TP53I13: variants seen among roughly 807,000 people sequenced by gnomAD.
TP53I13 encodes the protein tumor protein p53-inducible protein 13.
TP53I13 carries 27 observed loss-of-function variants against 39.1 expected under a neutral mutation model. The observed-to-expected ratio is 0.69, with a 90% CI of 0.51 to 0.95. TP53I13 has a LOEUF of 0.95. TP53I13 is among the 40% of genes least tolerant of loss of function. The pLI is 0.00. For synonymous variants in TP53I13, 230 were observed against 224.6 expected (o/e 1.02, Z -0.22); for missense variants, 544 against 520.4 (o/e 1.05, Z -0.44).
At chr17:29,575,492 C>G, downstream of TP53I13, 1 of 1,592,650 alleles carries the variant, frequency 6.3e-7, no homozygotes, top group East Asian at 2.2e-5. This position sits in a 1 kb window ranked among gnomAD's most constrained non-coding sequence, Gnocchi z 5.5. Context: ...GTCCAGAAAA[C>G]AGAGACAAAG....
chr17:29,578,977 T>C, the TP53I13 span: 1 of 1,613,754 alleles, frequency 6.2e-7, no homozygotes. Flanking sequence ...AGACATGCAC[T>C]TTTGCCGAGA....
At chr17:29,579,396 C>T in the TP53I13 span, 1 of 247,800 alleles carries the variant, frequency 4.0e-6, no homozygotes, top group Non-Finnish European at 7.9e-6. Flanking sequence ...TACCCCTTGC[C>T]TTAAGGCACT....
At chr17:29,578,384 A>G in the TP53I13 span, 2 of 1,613,354 alleles carry the variant, frequency 1.2e-6, no homozygotes, top group Non-Finnish European at 1.7e-6. Context: ...GGAGGAAGAG[A>G]GGGGCCCAGA....
chr17:29,572,960 C>T lies in TP53I13; in HGVS notation c.*36C>T, dbSNP rs2033022905. ...CCTGCCACTGTGGCGTGCGGCTCCT[C>T]CCCGCGCCGCGAGGCCGCGACCTCT... On this transcript the variant is annotated 3_prime_UTR_variant, in exon 7 of 7. Coordinates refer to ENST00000301057, the MANE Select transcript of TP53I13 (RefSeq NM_138349.4). The T allele has an allele frequency of 3.7e-6, 5 of 1,363,846 alleles. No homozygotes were observed. Among genetic ancestry groups the T allele is most frequent in the Non-Finnish European group, 3.8e-6 (4 of 1,062,318 alleles). 84.5% of individuals were successfully genotyped at this position (1,363,846 alleles called of 1,614,324 possible). A position where few individuals can be genotyped will look rare whatever the true frequency, so the allele number is the denominator to read the frequency against.
chr17:29,572,110 A>T, intron 5 of TP53I13, 32 bp from the exon 6 acceptor site: 2 of 1,610,784 alleles, frequency 1.2e-6, no homozygotes, highest in Non-Finnish European at 1.7e-6. Context: ...TGAGAGGGGC[A>T]GCAGGGTGAT....
downstream of TP53I13, chr17:29,575,000 G>C: frequency 1.4e-6 from 2 of 1,474,276 alleles, no homozygotes; most frequent in Non-Finnish European, 1.9e-6. Flanking sequence ...CTCCACCCAG[G>C]TAGCGATCAG....
chr17:29,577,044 A>G (rs1462308422), downstream of TP53I13: 1 of 1,606,966 alleles, frequency 6.2e-7, no homozygotes, highest in South Asian at 1.1e-5. Context: ...CACACAACCC[A>G]TCTCTCAGGT....
rs1162706826 is a variant in TP53I13, at chr17:29,572,635, A to G, written c.1007A>G (p.Asn336Ser). Reference protein sequence around the residue: ...LATLCTRLHRNFRRGESIYWG... With the variant: ...LATLCTRLHRSFRRGESIYWG... ...ACGCTCTGCACACGGCTGCACAGAA[A>G]CTTCCGACGCGGGGAGAGCATCTAC... The change falls in exon 6 of 7, where the codon AAC (asparagine) becomes AGC (serine). Residue 336 changes from asparagine to serine, a missense_variant. Transcript: ENST00000301057. The G allele has an allele frequency of 6.3e-7, 1 of 1,587,864 alleles. No homozygotes were observed. Among genetic ancestry groups the G allele is most frequent in the Non-Finnish European group, 8.6e-7 (1 of 1,168,032 alleles).
chr17:29,580,812 C>A, the TP53I13 span, among the ~76,000 whole-genome samples: 1 of 149,264 alleles, frequency 6.7e-6, no homozygotes, highest in African/African-American at 2.5e-5. Flanking sequence ...TGGAGTTTTG[C>A]TCTTGTTGCT....
the TP53I13 span, chr17:29,578,776 A>G: frequency 2.0e-5 from 33 of 1,613,938 alleles, no homozygotes; most frequent in African/African-American, 2.7e-5. Flanking sequence ...CGGATAAGTC[A>G]AGGCTGAGGG....
downstream of TP53I13, chr17:29,574,988 G>A: frequency 6.7e-7 from 1 of 1,483,776 alleles, no homozygotes. Flanking sequence ...GTTTGTCTGT[G>A]TCTCCACCCA....
At chr17:29,578,247 T>G in the TP53I13 span, 1 of 1,437,692 alleles carries the variant, frequency 7.0e-7, no homozygotes, top group African/African-American at 1.4e-5. Context: ...CAGAGACCCA[T>G]GCCTGGGCCG....
At chr17:29,578,684 G>T in the TP53I13 span, 484 of 1,529,182 alleles carry the variant, frequency 3.2e-4, no homozygotes, top group Admixed American at 7.0e-4. Flanking sequence ...TGGGGGATCA[G>T]AGAGGGGCCA....
the TP53I13 span, among the ~76,000 whole-genome samples, chr17:29,580,089 C>G: frequency 6.6e-6 from 1 of 152,140 alleles, no homozygotes; most frequent in Non-Finnish European, 1.5e-5. Flanking sequence ...TTGCTGCACT[C>G]CCCCATGAGG....
upstream of TP53I13, chr17:29,566,470 G>C: frequency 1.2e-6 from 2 of 1,612,140 alleles, no homozygotes; most frequent in Non-Finnish European, 1.7e-6. Context: ...GCGACCCCAC[G>C]CATTGGGGAT....
In TP53I13 at chr17:29,569,535, C is replaced by T. The variant is rs533423084; in HGVS notation, c.183+176C>T. 6 of 595,332 alleles carry T rather than the reference C, an allele frequency of 1.0e-5. No individual in the cohort carries two copies. The South Asian group carries it at 1.1e-4, about 11-fold the overall frequency. 36.9% of individuals were successfully genotyped at this position (595,332 alleles called of 1,614,324 possible). A position where few individuals can be genotyped will look rare whatever the true frequency, so the allele number is the denominator to read the frequency against. On this transcript the variant is annotated intron_variant, in intron 3 of 6. Coordinates refer to ENST00000301057, the MANE Select transcript of TP53I13 (RefSeq NM_138349.4). ...AGCCCAGGACAGATCAGCCCCAGGA[C>T]AGATGGCTCAAAGACAGTGAGCCAT...
At chr17:29,573,279 G>C, downstream of TP53I13, 1 of 232,308 alleles carries the variant, frequency 4.3e-6, no homozygotes, top group Non-Finnish European at 8.3e-6. Context: ...TGGACATGGG[G>C]CTTTAGGAAT....
chr17:29,571,566 T>C, intron 3 of TP53I13, 25 bp from the exon 4 acceptor site: 1 of 1,612,376 alleles, frequency 6.2e-7, no homozygotes, highest in Non-Finnish European at 8.5e-7. Flanking sequence ...GGGCCTGCTT[T>C]GATGTCTCTG....
At chr17:29,576,271 C>T (rs778505155), downstream of TP53I13, 4 of 1,611,494 alleles carry the variant, frequency 2.5e-6, no homozygotes, top group South Asian at 3.3e-5. Context: ...CAGGGGGGCC[C>T]CCAAAGGGCT....
Sources: allele counts gnomAD v4.1 joint callset (sites outside exome capture counted in the v4.1 genomes callset), GRCh38; gene constraint gnomAD v4.1.1; non-coding constraint Gnocchi (gnomAD v3.1); transcripts MANE v1.5; gene names NCBI Gene and HGNC (gene_info 2026-07-23, HGNC 2026-07-21).